The following CDC42EP3 variants were observed in gnomAD, a reference collection of about 807,000 sequenced individuals.
The protein encoded by CDC42EP3 is CDC42 effector protein (Rho GTPase binding) 3.
Under a neutral mutation model 15.5 loss-of-function variants are expected in CDC42EP3, and 4 were observed. The observed-to-expected ratio is 0.26, with a 90% CI of 0.13 to 0.59. The LOEUF (loss-of-function observed/expected upper bound fraction) is 0.59, where lower values mean the gene tolerates loss of function less well. CDC42EP3 is among the 20% of genes least tolerant of loss of function. The pLI, the probability that CDC42EP3 is intolerant of heterozygous loss-of-function variation, is 0.89. For missense variants in CDC42EP3, 309 were observed against 311.2 expected, an observed-to-expected ratio of 0.99 and a Z score of 0.05; for synonymous variants, 145 against 130.3, an observed-to-expected ratio of 1.11 and a Z score of -0.77.
chr2:37,646,048 C>T lies in CDC42EP3; in HGVS notation c.540G>A (p.Gln180=). Residue 180 remains glutamine, a synonymous_variant, in exon 2 of 2, where the codon CAG becomes CAA. Coordinates refer to ENST00000295324, the MANE Select transcript of CDC42EP3 (RefSeq NM_006449.5). ...TSWGSSGSAS[Q]SSQGRDSHSS... ...AGTGGCTGTCTCTGCCTTGGCTGGA[C>T]TGAGATGCAGAACCGCTGGAGCCCC... 1 of 1,614,066 alleles carries T rather than the reference C, an allele frequency of 6.2e-7. No individual in the cohort carries two copies. The highest frequency in any genetic ancestry group is 1.7e-5 in the Admixed American group (1 of 60,022).
At chr2:37,650,183 C>T (rs1224682622) in intron 1 of CDC42EP3, among the ~76,000 whole-genome samples, 1 of 152,160 alleles carries the variant, frequency 6.6e-6, no homozygotes, top group Middle Eastern at 3.2e-3. Flanking sequence ...AGCTCAGGGG[C>T]AACCATGATT....
At chr2:37,663,802 C>A (rs190283722) in intron 1 of CDC42EP3, among the ~76,000 whole-genome samples, 104 of 152,198 alleles carry the variant, frequency 6.8e-4, no homozygotes, top group Non-Finnish European at 1.3e-3. Context: ...ACATTTGAGT[C>A]GGTGAATTGG....
intron 1 of CDC42EP3, among the ~76,000 whole-genome samples, chr2:37,661,393 T>C (rs991363076): frequency 2.0e-5 from 3 of 152,126 alleles, no homozygotes; most frequent in Admixed American, 6.5e-5. Flanking sequence ...GGGATCTTAT[T>C]AATAGGGCAA....
Position 37,646,569 on chromosome 2 carries a change from T to C in CDC42EP3, c.19A>G (p.Ile7Val), listed in dbSNP as rs1246179606. Residue 7 changes from isoleucine to valine, a missense_variant, in exon 2 of 2, where the codon ATT (isoleucine) becomes GTT (valine). By Grantham distance (29) the Ile-to-Val change is conservative. Transcript: ENST00000295324. MPAKTP[I>V]YLKAANNKKG... ...TTGTTATTGGCTGCTTTCAGGTAAA[T>C]TGGGGTCTTGGCTGGCATTTTGGAA... 12 of 1,545,524 alleles carry C rather than the reference T, an allele frequency of 7.8e-6. No individual in the cohort carries two copies. The highest frequency in any genetic ancestry group is 4.5e-5 in the East Asian group (2 of 44,346).
chr2:37,657,047 C>T (rs767322023), intron 1 of CDC42EP3, among the ~76,000 whole-genome samples: 2 of 127,688 alleles, frequency 1.6e-5, no homozygotes, highest in South Asian at 2.5e-4. Flanking sequence ...CTTAGAAAAT[C>T]GTGTTAAGTG....
At chr2:37,657,929 G>C (rs1011858019) in intron 1 of CDC42EP3, among the ~76,000 whole-genome samples, 5 of 152,176 alleles carry the variant, frequency 3.3e-5, no homozygotes, top group African/African-American at 1.2e-4. Flanking sequence ...TGCTGAAGTT[G>C]AGAAATCCCA....
At chr2:37,664,901 G>A (rs1304965599) in intron 1 of CDC42EP3, among the ~76,000 whole-genome samples, 3 of 152,052 alleles carry the variant, frequency 2.0e-5, no homozygotes, top group African/African-American at 7.3e-5. Flanking sequence ...AGACACTGGG[G>A]CCTAATTGAG....
rs1387289725 is a variant in CDC42EP3 at position 37,642,183 on chromosome 2, C to T, written c.*3640G>A. 1 of 152,198 alleles carries T rather than the reference C, an allele frequency of 6.6e-6. No homozygotes were observed. The highest frequency in any genetic ancestry group is 1.5e-5 in the Non-Finnish European group (1 of 68,026). The allele number at this position is 152,198 out of a possible 1,614,324, so 9.4% of individuals were successfully genotyped here. On this transcript the variant is annotated 3_prime_UTR_variant, in exon 2 of 2. Coordinates refer to ENST00000295324, the MANE Select transcript of CDC42EP3 (RefSeq NM_006449.5). ...CAGAATAAAGCATGCAATATATTTA[C>T]AGTCAGATGAAACAAGTGTGTCCAT...
chr2:37,651,991 C>T lies in CDC42EP3; in HGVS notation c.-235-5169G>A, dbSNP rs1427203019. ...GAGATAAAGACCATCCTGGCTAACA[C>T]GGTGAAACCCCGTCTCTACTAAAAA... On this transcript the variant is annotated intron_variant, in intron 1 of 1. Transcript: ENST00000295324. 6.6e-5 allele frequency among the ~76,000 whole-genome samples: 10 copies of T among 151,712 alleles called. No homozygotes were observed. In the South Asian group the frequency reaches 8.3e-4, roughly 13 times the overall value.
intron 1 of CDC42EP3, among the ~76,000 whole-genome samples, chr2:37,654,805 A>G (rs1324178039): frequency 1.3e-5 from 2 of 152,216 alleles, no homozygotes; most frequent in African/African-American, 2.4e-5. Flanking sequence ...TGACCAGCCA[A>G]TCTTTGGGAT....
chr2:37,669,322 G>GA (rs1191637766), intron 1 of CDC42EP3, among the ~76,000 whole-genome samples: 3 of 150,366 alleles, frequency 2.0e-5, no homozygotes, highest in African/African-American at 4.9e-5. Context: ...CTTTATACAT[G>GA]AAAAAAGCAC....
At chr2:37,661,130 C>T (rs369773311) in intron 1 of CDC42EP3, among the ~76,000 whole-genome samples, 15 of 125,910 alleles carry the variant, frequency 1.2e-4, no homozygotes, top group South Asian at 2.6e-4. Context: ...TGTGTGTGTG[C>T]GTGTGTGTAT....
rs1023707548 is a variant in CDC42EP3 at position 37,671,527 on chromosome 2, C to G, written c.-337G>C. The G allele has an allele frequency of 3.9e-5, 6 of 152,352 alleles. No individual in the cohort carries two copies. Among genetic ancestry groups the G allele is most frequent in the Non-Finnish European group, 5.9e-5 (4 of 68,054 alleles). 9.4% of individuals were successfully genotyped at this position (152,352 alleles called of 1,614,324 possible). The stretch of plus-strand genomic sequence containing the variant: ...CCAGCCGAGTCTGCCGGCGTGGTGC[C>G]TGCTCACCGCATTATCCGCTCCGAG... On this transcript the variant is annotated 5_prime_UTR_variant, in exon 1 of 2. Transcript: ENST00000295324.
rs749058635 is a variant in CDC42EP3, at chr2:37,645,875, A to T, written c.713T>A (p.Leu238His). 6 of 1,585,142 alleles carry T rather than the reference A, an allele frequency of 3.8e-6. No individual in the cohort carries two copies. In the South Asian group the frequency reaches 7.0e-5, roughly 18 times the overall value. Residue 238 changes from leucine (L) to histidine (H), a missense_variant, in exon 2 of 2, where the codon CTT (leucine) becomes CAT (histidine). Transcript: ENST00000295324. ...TGSLLSLQLD[L>H]GPSLLDEVLN... is the part of the protein sequence containing the mutation. ...CACCTCATCCAAAAGTGAGGGCCCA[A>T]GATCAAGCTGCAGGGAGAGGAGGGA...
At chr2:37,657,104 C>T (rs1411335818) in intron 1 of CDC42EP3, among the ~76,000 whole-genome samples, 1 of 150,644 alleles carries the variant, frequency 6.6e-6, no homozygotes, top group Admixed American at 6.7e-5. Context: ...CGACAGTGAA[C>T]AATCACAGGC....
rs551406645 is a variant in CDC42EP3, at chr2:37,654,653, A to G, written c.-235-7831T>C. ...AAGGGAGGTGTTCACGTTCCCATTT[A>G]TTCTGAGTTTCCTGTATGGGAACAC... On this transcript the variant is annotated intron_variant, in intron 1 of 1. Transcript: ENST00000295324. Among the ~76,000 whole-genome samples, 5 of 152,302 alleles carry G rather than the reference A, an allele frequency of 3.3e-5. No homozygotes were observed. In the East Asian group the frequency reaches 7.7e-4, roughly 24 times the overall value.
chr2:37,671,181 T>C (rs1666406393), intron 1 of CDC42EP3, among the ~76,000 whole-genome samples: 1 of 152,202 alleles, frequency 6.6e-6, no homozygotes, highest in Non-Finnish European at 1.5e-5. Flanking sequence ...AGCCCCACCC[T>C]GAAAAGTAGT....
upstream of CDC42EP3, chr2:37,672,585 G>C (rs527801581): frequency 6.6e-6 from 1 of 152,216 alleles, no homozygotes; most frequent in Non-Finnish European, 1.5e-5. Context: ...GCGTGAACCG[G>C]GTTAATGAAT....
rs1665287257 is a variant in CDC42EP3 at position 37,642,133 on chromosome 2, C to T, written c.*3690G>A. ...ACATTAAACATTCTCAGATGAAAAG[C>T]TTGCTGGATGAAATAGTGCACCATC... On this transcript the variant is annotated 3_prime_UTR_variant, in exon 2 of 2. Transcript: ENST00000295324. 6.6e-6 allele frequency: 1 copy of T among 152,166 alleles called. No homozygotes were observed. Among genetic ancestry groups the T allele is most frequent in the South Asian group, 2.1e-4 (1 of 4,830 alleles). 9.4% of individuals were successfully genotyped at this position (152,166 alleles called of 1,614,324 possible).
Sources: gnomAD v4.1 joint callset for allele counts (sites outside exome capture counted in the v4.1 genomes callset) on GRCh38, gnomAD v4.1.1 for gene constraint, MANE v1.5 for transcripts, NCBI Gene and HGNC (gene_info 2026-07-23, HGNC 2026-07-21) for gene names.